ATXN2: variants seen among roughly 807,000 people sequenced by gnomAD.
ATXN2 encodes the protein ataxin-2.
Under a neutral mutation model 138.6 loss-of-function variants are expected in ATXN2, and 37 were observed. That is an observed-to-expected ratio of 0.27 (90% CI 0.21 to 0.35). ATXN2 has a LOEUF of 0.35. ATXN2 is among the 10% of genes least tolerant of loss of function. The pLI, the probability that ATXN2 is intolerant of heterozygous loss-of-function variation, is 1.00. For synonymous variants in ATXN2, 549 were observed against 543.7 expected (o/e 1.01, Z -0.13); for missense variants, 1,216 against 1,480.3 (o/e 0.82, Z 2.93).
intron 11 of ATXN2, chr12:111,511,591 G>T (rs1278054139): frequency 6.6e-6 from 1 of 150,874 alleles, no homozygotes; most frequent in Non-Finnish European, 1.5e-5. Flanking sequence ...TCAGCCTCCT[G>T]AGCAGCTGGG....
Position 111,485,707 on chromosome 12 carries a change from A to G in ATXN2, c.2457+6T>C. On this transcript the variant is annotated splice_donor_region_variant and intron_variant, in intron 17 of 24. Coordinates refer to ENST00000673436, the MANE Select transcript of ATXN2 (RefSeq NM_001372574.1). ...GGCTAAGTGAACATCAAATTCTATG[A>G]CTTACTTGCACGCCTGGGCTCACTG... 1 of 1,613,622 alleles carries G rather than the reference A, an allele frequency of 6.2e-7. No individual in the cohort carries two copies. Among genetic ancestry groups the G allele is most frequent in the African/African-American group, 1.3e-5 (1 of 75,024 alleles).
intron 14 of ATXN2, among the ~76,000 whole-genome samples, chr12:111,502,327 T>A (rs1327511886): frequency 6.6e-6 from 1 of 152,258 alleles, no homozygotes; most frequent in Non-Finnish European, 1.5e-5. Flanking sequence ...TCTGCTGTAT[T>A]GGAATATATT....
At chr12:111,475,073 G>T (rs1876698943) in intron 18 of ATXN2, among the ~76,000 whole-genome samples, 1 of 152,088 alleles carries the variant, frequency 6.6e-6, no homozygotes, top group Non-Finnish European at 1.5e-5. Context: ...AATTAGCCGG[G>T]TGTGGTGGCG....
At chr12:111,570,500 C>G (rs1197250010) in intron 1 of ATXN2, among the ~76,000 whole-genome samples, 1 of 152,196 alleles carries the variant, frequency 6.6e-6, no homozygotes, top group Non-Finnish European at 1.5e-5. Flanking sequence ...TGTTTCCTTA[C>G]TTTCAGTGAG....
intron 1 of ATXN2, among the ~76,000 whole-genome samples, chr12:111,565,979 G>A (rs1882980319): frequency 6.8e-6 from 1 of 148,140 alleles, no homozygotes. Flanking sequence ...CTGGGAAACA[G>A]AGTGAGATTC....
Position 111,542,092 on chromosome 12 carries a change from GATTT to G in ATXN2, c.571+10184_571+10187del, listed in dbSNP as rs917591592. Among the ~76,000 whole-genome samples the G allele has an allele frequency of 2.9e-4, 42 of 144,116 alleles. 4 individuals are homozygous for G. Among genetic ancestry groups the G allele is most frequent in the Admixed American group, 1.8e-3 (26 of 14,438 alleles). 94.5% of individuals were successfully genotyped at this position (144,116 alleles called of 152,430 possible). ...CAAAACTGAATATATTATCTTTAGA[GATTT>G]ATTTGAGGAAAATTGACAACGTTGT... On this transcript the variant is annotated intron_variant, in intron 5 of 24. Transcript: ENST00000673436.
intron 2 of ATXN2, 45 bp downstream of exon 2, chr12:111,555,838 T>C (rs781295754): frequency 6.6e-7 from 1 of 1,517,884 alleles, no homozygotes; most frequent in South Asian, 1.2e-5. Context: ...GAGATCATGT[T>C]TTAGCTACTA....
At chr12:111,503,542 C>A (rs1432603453) in intron 14 of ATXN2, among the ~76,000 whole-genome samples, 1 of 151,930 alleles carries the variant, frequency 6.6e-6, no homozygotes, top group Non-Finnish European at 1.5e-5. Flanking sequence ...TTAGAAAGTT[C>A]ACTCTTTTAT....
chr12:111,495,449 T>C (rs1878356381), intron 14 of ATXN2, among the ~76,000 whole-genome samples: 1 of 152,024 alleles, frequency 6.6e-6, no homozygotes, highest in South Asian at 2.1e-4. Flanking sequence ...GGAGTAGCTA[T>C]GCTTAGATAA....
chr12:111,473,200 G>A (rs1299986496), intron 18 of ATXN2, among the ~76,000 whole-genome samples: 3 of 151,776 alleles, frequency 2.0e-5, no homozygotes, highest in African/African-American at 7.3e-5. Context: ...CCTTAGCTCG[G>A]GAAGTTGAGG....
rs942409408 is a variant in ATXN2, at chr12:111,598,760, G to A, written c.251+24C>T. 14 of 1,204,160 alleles carry A rather than the reference G, an allele frequency of 1.2e-5. No homozygotes were observed. The highest frequency in any genetic ancestry group is 3.6e-5 in the East Asian group (1 of 28,034). The allele number at this position is 1,204,160 out of a possible 1,614,324, so 74.6% of individuals were successfully genotyped here. On this transcript the variant is annotated intron_variant, in intron 1 of 24. Transcript: ENST00000673436. The surrounding 1 kb of genome is among the most constrained non-coding windows in gnomAD (Gnocchi z 4.5). The stretch of plus-strand genomic sequence containing the variant: ...GAGGGGACGCCGGGCCCGGAGCGGA[G>A]GGGGCTGGGGTGCCGACACCCACCT...
chr12:111,579,517 C>T (rs1883866627), intron 1 of ATXN2, among the ~76,000 whole-genome samples: 1 of 151,992 alleles, frequency 6.6e-6, no homozygotes, highest in Non-Finnish European at 1.5e-5. Flanking sequence ...CTGCCTCGGC[C>T]TTCCAAAATG....
Position 111,552,938 on chromosome 12 carries a change from A to G in ATXN2, c.388T>C (p.Tyr130His). The stretch of plus-strand genomic sequence containing the variant: ...CTGTAAGTTTTAAAAACTCCTTCAT[A>G]TATACCTCCATTTTTCACTTGTACT... Reference protein sequence around the residue: ...CEVQVKNGGIYEGVFKTYSPK... With the variant: ...CEVQVKNGGIHEGVFKTYSPK... Residue 130 changes from tyrosine to histidine, a missense_variant, in exon 4 of 25, where the codon TAT becomes CAT. Coordinates refer to ENST00000673436, the MANE Select transcript of ATXN2 (RefSeq NM_001372574.1). This position sits in a 1 kb window ranked among gnomAD's most constrained non-coding sequence, Gnocchi z 4.1. 6.4e-7 allele frequency: 1 copy of G among 1,564,282 alleles called. No homozygotes were observed. Among genetic ancestry groups the G allele is most frequent in the Non-Finnish European group, 8.6e-7 (1 of 1,162,212 alleles).
intron 1 of ATXN2, among the ~76,000 whole-genome samples, chr12:111,579,751 T>C (rs1883885573): frequency 6.7e-6 from 1 of 149,828 alleles, no homozygotes. Flanking sequence ...CAGGCTGGAG[T>C]GCAGTGGCGT....
At chr12:111,483,666 CCTTTT>C (rs766180555) in intron 18 of ATXN2, among the ~76,000 whole-genome samples, 27 of 151,874 alleles carry the variant, frequency 1.8e-4, no homozygotes, top group Non-Finnish European at 3.7e-4. Context: ...CAAAAGATTT[CCTTTT>C]AAGAAAAATG....
intron 1 of ATXN2, among the ~76,000 whole-genome samples, chr12:111,588,057 C>A (rs776684668): frequency 1.3e-5 from 2 of 151,968 alleles, no homozygotes; most frequent in South Asian, 2.1e-4. Context: ...CACTGTGGGG[C>A]GCACCAGTAG....
chr12:111,561,499 T>C (rs979566324), intron 1 of ATXN2, among the ~76,000 whole-genome samples: 2 of 151,732 alleles, frequency 1.3e-5, no homozygotes, highest in Non-Finnish European at 2.9e-5. Flanking sequence ...AACCTCCGTC[T>C]CAAAGAAAAA....
intron 21 of ATXN2, among the ~76,000 whole-genome samples, chr12:111,460,503 A>T (rs1417187961): frequency 6.6e-6 from 1 of 152,224 alleles, no homozygotes; most frequent in Admixed American, 6.5e-5. Context: ...AATCTGTCTA[A>T]GGAAAAGCAA....
rs1027663545 is a variant in ATXN2 at position 111,541,147 on chromosome 12, TCA to T, written c.571+11131_571+11132del. Among the ~76,000 whole-genome samples the T allele has an allele frequency of 1.2e-4, 18 of 150,026 alleles. 1 individual carries two copies. ...GTAGTCTGGGTGTTGTTTTGTTTAA[TCA>T]CAGTTTTCTCATTAATCTATTTGGT... is the stretch of plus-strand genomic sequence containing the variant. On this transcript the variant is annotated intron_variant, in intron 5 of 24. Coordinates refer to ENST00000673436, the MANE Select transcript of ATXN2 (RefSeq NM_001372574.1).
Sources: allele counts gnomAD v4.1 joint callset (sites outside exome capture counted in the v4.1 genomes callset), GRCh38; gene constraint gnomAD v4.1.1; non-coding constraint Gnocchi (gnomAD v3.1); transcripts MANE v1.5; gene names NCBI Gene and HGNC (gene_info 2026-07-23, HGNC 2026-07-21).